RBFOX3: variants seen among roughly 807,000 people sequenced by gnomAD.
RBFOX3 encodes RNA binding fox-1 homolog 3, also known as RNA binding protein fox-1 homolog 3.
Under a neutral mutation model 48.7 loss-of-function variants are expected in RBFOX3, and 17 were observed. That is an observed-to-expected ratio of 0.35 (90% CI 0.24 to 0.52). The LOEUF (loss-of-function observed/expected upper bound fraction) is 0.52. Among genes scored for constraint, RBFOX3 ranks in the 20% least tolerant of loss-of-function variants. RBFOX3 has a pLI of 0.94. For synonymous variants in RBFOX3, 212 were observed against 209.5 expected (o/e 1.01, Z -0.10); for missense variants, 382 against 497.5 (o/e 0.77, Z 2.21).
Position 79,096,754 on chromosome 17 carries a change from G to C in RBFOX3, c.835C>G (p.Pro279Ala), listed in dbSNP as rs1599392429. 6.7e-7 allele frequency: 1 copy of C among 1,487,456 alleles called. No homozygotes were observed. Among genetic ancestry groups the C allele is most frequent in the Non-Finnish European group, 9.2e-7 (1 of 1,088,600 alleles). The allele number at this position is 1,487,456 out of a possible 1,614,324, so 92.1% of individuals were successfully genotyped here. The change falls in exon 12 of 15, where the codon CCG (proline) becomes GCG (alanine). Residue 279 changes from proline (P) to alanine (A), a missense_variant. Physicochemically the swap from Pro to Ala is conservative, Grantham distance 27. Around this residue, in one of 3 missense-constraint regions of RBFOX3, gnomAD observed 215 missense variants for 254.8 expected, o/e 0.84. Coordinates refer to ENST00000693108, the MANE Select transcript of RBFOX3 (RefSeq NM_001350451.2). ...GGAGAGGTGGGGTAGGCCGGCTCCG[G>C]TGTCTGCTGAGGAGGGAGGGGGCAC... ...APCPLPPQQT[P>A]EPAYPTSPAF...
At chr17:79,126,062 G>A (rs57363520) in intron 4 of RBFOX3, among the ~76,000 whole-genome samples, 4,309 of 152,328 alleles carry the variant, frequency 0.028, 201 homozygotes, top group African/African-American at 0.096. Flanking sequence ...GTTTCACAGA[G>A]GGGACACCGA....
At chr17:79,302,129 A>G (rs1177380746) in intron 3 of RBFOX3, among the ~76,000 whole-genome samples, 1 of 152,242 alleles carries the variant, frequency 6.6e-6, no homozygotes, top group East Asian at 1.9e-4. Context: ...ATTCTAATAT[A>G]ATGAAAAACA....
At chr17:79,563,213 G>A (rs1261190204) in intron 1 of RBFOX3, among the ~76,000 whole-genome samples, 1 of 81,178 alleles carries the variant, frequency 1.2e-5, no homozygotes, top group Admixed American at 1.6e-4. Context: ...GGTAGCCAAC[G>A]GGTCTTTGAA....
At chr17:79,426,520 T>C (rs1184775652) in intron 2 of RBFOX3, among the ~76,000 whole-genome samples, 1 of 152,162 alleles carries the variant, frequency 6.6e-6, no homozygotes, top group Non-Finnish European at 1.5e-5. Context: ...GGCAGGCACC[T>C]ATCATCCTCG....
At chr17:79,528,567 G>C (rs2087170211) in intron 1 of RBFOX3, among the ~76,000 whole-genome samples, 1 of 152,104 alleles carries the variant, frequency 6.6e-6, no homozygotes, top group African/African-American at 2.4e-5. Flanking sequence ...GGTCTTTGCA[G>C]ATGTAATTAA....
At chr17:79,320,890 T>C (rs983024140) in intron 2 of RBFOX3, among the ~76,000 whole-genome samples, 5 of 152,156 alleles carry the variant, frequency 3.3e-5, no homozygotes, top group African/African-American at 1.2e-4. Context: ...GGAAAACAGA[T>C]TATTCAGCCT....
At chr17:79,219,947 G>T (rs2147379288) in intron 4 of RBFOX3, among the ~76,000 whole-genome samples, 1 of 151,808 alleles carries the variant, frequency 6.6e-6, no homozygotes, top group South Asian at 2.1e-4. Context: ...CCCTGTCCCA[G>T]CCCCACCGTC....
the RBFOX3 span, among the ~76,000 whole-genome samples, chr17:79,625,685 A>G: frequency 7.8e-5 from 11 of 140,732 alleles, no homozygotes; most frequent in African/African-American, 3.3e-4. Flanking sequence ...CCAGCTACTC[A>G]GGAGGCTGAG....
intron 4 of RBFOX3, among the ~76,000 whole-genome samples, chr17:79,119,815 C>T (rs2703536): frequency 6.6e-6 from 1 of 152,288 alleles, no homozygotes; most frequent in East Asian, 1.9e-4. Context: ...TCAGAGCTGG[C>T]TACACATCCC....
chr17:79,101,158 G>A (rs1024415684), intron 9 of RBFOX3, among the ~76,000 whole-genome samples: 1 of 152,130 alleles, frequency 6.6e-6, no homozygotes, highest in Non-Finnish European at 1.5e-5. Context: ...AAGGCCCCCC[G>A]TGCCCTCACT....
intron 2 of RBFOX3, among the ~76,000 whole-genome samples, chr17:79,381,613 C>A (rs764875904): frequency 1.1e-4 from 17 of 152,348 alleles, no homozygotes; most frequent in Admixed American, 2.6e-4. Flanking sequence ...CTGTGCGGAA[C>A]AGGCACTTGG....
At chr17:79,559,636 GTGA>G (rs2092049611) in intron 1 of RBFOX3, among the ~76,000 whole-genome samples, 2 of 68,464 alleles carry the variant, frequency 2.9e-5, no homozygotes, top group African/African-American at 3.8e-5. Context: ...TGGGTGGATG[GTGA>G]ATAGTGGATG....
chr17:79,197,646 C>T (rs756649062), intron 4 of RBFOX3, among the ~76,000 whole-genome samples: 1 of 152,022 alleles, frequency 6.6e-6, no homozygotes, highest in Admixed American at 6.5e-5. Flanking sequence ...CCGCCCACCT[C>T]GGCCTCCCAA....
At chr17:79,526,011 G>A (rs2086748518) in intron 1 of RBFOX3, among the ~76,000 whole-genome samples, 1 of 152,206 alleles carries the variant, frequency 6.6e-6, no homozygotes, top group Admixed American at 6.5e-5. Flanking sequence ...TTTGCCTCCA[G>A]GCTGCTTCCA....
chr17:79,634,548 T>C, the RBFOX3 span, among the ~76,000 whole-genome samples: 4 of 152,126 alleles, frequency 2.6e-5, no homozygotes, highest in African/African-American at 7.2e-5. Flanking sequence ...TGGGGTTCTA[T>C]AGAGCACCCA....
chr17:79,333,234 C>G (rs2080683494), intron 2 of RBFOX3, among the ~76,000 whole-genome samples: 1 of 152,158 alleles, frequency 6.6e-6, no homozygotes, highest in African/African-American at 2.4e-5. Context: ...CTCAGTGAGG[C>G]CTGCACCCAT....
chr17:79,155,176 G>A (rs923654648), intron 4 of RBFOX3, among the ~76,000 whole-genome samples: 3 of 152,348 alleles, frequency 2.0e-5, no homozygotes, highest in East Asian at 1.9e-4. Flanking sequence ...CTCCCCGCCC[G>A]GGGCTCTGTG....
chr17:79,449,375 C>A (rs1555740127), intron 2 of RBFOX3, among the ~76,000 whole-genome samples: 1 of 151,992 alleles, frequency 6.6e-6, no homozygotes, highest in Non-Finnish European at 1.5e-5. Context: ...CCCAAACTTT[C>A]TCCCTTACAG....
intron 1 of RBFOX3, among the ~76,000 whole-genome samples, chr17:79,588,637 C>G (rs1046204767): frequency 6.6e-6 from 1 of 152,216 alleles, no homozygotes; most frequent in South Asian, 2.1e-4. Flanking sequence ...CCCTTAAGCA[C>G]AGCCCTCCCC....
Sources: allele counts gnomAD v4.1 joint callset (sites outside exome capture counted in the v4.1 genomes callset), GRCh38; gene constraint gnomAD v4.1.1; regional missense constraint gnomAD v4.1.1; transcripts MANE v1.5; gene names NCBI Gene and HGNC (gene_info 2026-07-23, HGNC 2026-07-21).